The following RP1 variants were observed in gnomAD, a reference collection of about 807,000 sequenced individuals.
The protein encoded by RP1 is RP1 axonemal microtubule associated, also known as oxygen-regulated protein 1.
Under a neutral mutation model 14.8 loss-of-function variants are expected in RP1, and 16 were observed. The observed-to-expected ratio is 1.08, with a 90% CI of 0.73 to 1.65. RP1 has a LOEUF of 1.65. Among genes scored for constraint, RP1 ranks in the 40% most tolerant of loss-of-function variants. The pLI is 0.00. For synonymous variants in RP1, 876 were observed against 883.6 expected, an observed-to-expected ratio of 0.99 and a Z score of 0.15; for missense variants, 2,631 against 2,535.0, an observed-to-expected ratio of 1.04 and a Z score of -0.81.
rs16920756 is a variant in RP1, at chr8:54,783,704, A to T, written c.3609A>T (p.Ile1203=). 6,727 of 1,230,496 alleles carry T rather than the reference A, an allele frequency of 5.5e-3. 284 individuals carry two copies. In the African/African-American group the frequency reaches 0.094, roughly 17 times the overall value. The allele number at this position is 1,230,496 out of a possible 1,614,324, so 76.2% of individuals were successfully genotyped here. A position where few individuals can be genotyped will look rare whatever the true frequency, so the allele number is the denominator to read the frequency against. The change falls in exon 24 of 29, where the codon ATA becomes ATT. Residue 1203 remains isoleucine, a synonymous_variant. Coordinates refer to the RP1 transcript ENST00000637698. ...TGTTTAACCCTAACACTGCAGATAT[A>T]TTCAAGGTAAAAATGATACAGCTAT...
At position 54,752,433 on chromosome 8, in the gene RP1, C is replaced by T. The variant is rs141133601; in HGVS notation, c.2809-2370C>T. Reference sequence around the variant, plus strand: ...TCCTTCCACCATGCAGTTCGAAAACCGTCACAAACATAGCAACTCGGTGAG... The same window carrying T: ...TCCTTCCACCATGCAGTTCGAAAACTGTCACAAACATAGCAACTCGGTGAG... On this transcript the variant is annotated intron_variant, in intron 19 of 22. Coordinates refer to the RP1 transcript ENST00000636932. Among the ~76,000 whole-genome samples, 5 of 152,288 alleles carry T rather than the reference C, an allele frequency of 3.3e-5. No homozygotes were observed. In the East Asian group the frequency reaches 7.7e-4, roughly 23 times the overall value.
chr8:54,725,687 C>T (rs1808637484), intron 16 of RP1, among the ~76,000 whole-genome samples: 1 of 152,150 alleles, frequency 6.6e-6, no homozygotes, highest in East Asian at 1.9e-4. Context: ...ACTCTAAAGC[C>T]ATTCATAGTG....
At chr8:54,728,604 T>C (rs1808716443) in intron 17 of RP1, among the ~76,000 whole-genome samples, 1 of 152,136 alleles carries the variant, frequency 6.6e-6, no homozygotes, top group Non-Finnish European at 1.5e-5. Context: ...AGATGGAACT[T>C]TTCTCATCTA....
At chr8:54,856,946 A>G (rs1585751933) in intron 26 of RP1, 5 of 382,390 alleles carry the variant, frequency 1.3e-5, no homozygotes, top group Non-Finnish European at 2.2e-5. Context: ...TAGTAACAAT[A>G]TAGTATCAAT....
chr8:54,687,500 C>T (rs1056372842), intron 12 of RP1, among the ~76,000 whole-genome samples: 6 of 152,012 alleles, frequency 3.9e-5, no homozygotes, highest in Admixed American at 3.3e-4. Context: ...GTGATGTTCC[C>T]CTCCCTATGT....
chr8:54,773,172 G>C (rs774217718), downstream of RP1, among the ~76,000 whole-genome samples: 1 of 151,864 alleles, frequency 6.6e-6, no homozygotes, highest in Admixed American at 6.6e-5. Flanking sequence ...TCACCTTCTC[G>C]TTTGCTGAGT....
At position 54,728,331 on chromosome 8, in the gene RP1, C is replaced by T. The variant is rs184887616; in HGVS notation, c.2521+1855C>T. ...TGCTTCTTGCAAGAAATACCTTCCT[C>T]TTGGTTTTGCACCTTAGCTGTCAAG... On this transcript the variant is annotated intron_variant, in intron 17 of 22. Transcript: ENST00000636932. 1.3e-4 allele frequency among the ~76,000 whole-genome samples: 20 copies of T among 152,248 alleles called. No individual in the cohort carries two copies. In the East Asian group the frequency reaches 3.5e-3, roughly 26 times the overall value.
At chr8:54,622,058 A>C (rs1585558927) in intron 2 of RP1, 59 bp from the exon 3 acceptor site, 2 of 1,565,624 alleles carry the variant, frequency 1.3e-6, no homozygotes, top group South Asian at 1.1e-5. Flanking sequence ...CAAAGTTATA[A>C]AATTACCACT....
intron 21 of RP1, chr8:54,758,910 C>T: frequency 1.3e-6 from 2 of 1,534,118 alleles, no homozygotes; most frequent in East Asian, 2.4e-5. Flanking sequence ...TTTTCTCTGT[C>T]TCCTGCACCA....
At chr8:54,652,943 T>C in intron 5 of RP1, 3 of 965,164 alleles carry the variant, frequency 3.1e-6, no homozygotes, top group East Asian at 2.6e-5. Context: ...TCATCATGCC[T>C]ATAATGAGTT....
chr8:54,628,366 A>G lies in RP1; in HGVS notation c.4484A>G (p.Gln1495Arg), dbSNP rs746050017. The change falls in exon 4 of 4, where the codon CAA becomes CGA. Residue 1495 changes from glutamine (Q) to arginine (R), a missense_variant. Coordinates refer to ENST00000220676, the MANE Select transcript of RP1 (RefSeq NM_006269.2). ...GAGCAAGCCACTGAAGAATTAATCC[A>G]AGAAGAGGTAGAGGCTAGTAAAACT... ...GGEQATEELI[Q>R]EEVEASKTLE... is the part of the protein sequence containing the mutation. 6.2e-7 allele frequency: 1 copy of G among 1,613,802 alleles called. No homozygotes were observed. The highest frequency in any genetic ancestry group is 8.5e-7 in the Non-Finnish European group (1 of 1,179,860).
chr8:54,570,692 C>G (rs1311790229), intron 1 of RP1, among the ~76,000 whole-genome samples: 2 of 151,264 alleles, frequency 1.3e-5, no homozygotes, highest in Non-Finnish European at 2.9e-5. Flanking sequence ...ACACGGAACA[C>G]ATTCTCACAG....
rs552085685 is a variant in RP1, at chr8:54,676,131, C to A, written c.1402+2203C>A. 3.3e-5 allele frequency among the ~76,000 whole-genome samples: 5 copies of A among 152,148 alleles called. No individual in the cohort carries two copies. In the South Asian group the frequency reaches 1.0e-3, roughly 32 times the overall value. ...TGTTATCACATTGGGTCTTAGGTTC[C>A]AATAGATGAATTTTAGGGGGACAAG... On this transcript the variant is annotated intron_variant, in intron 8 of 22. Coordinates refer to the RP1 transcript ENST00000636932.
chr8:54,744,800 C>A (rs148460529), intron 19 of RP1, among the ~76,000 whole-genome samples: 231 of 152,262 alleles, frequency 1.5e-3, no homozygotes, highest in African/African-American at 5.2e-3. Flanking sequence ...ATCTTTATGT[C>A]TTTTATATAG....
chr8:54,779,315 G>C (rs1810123961), intron 23 of RP1, among the ~76,000 whole-genome samples: 1 of 152,160 alleles, frequency 6.6e-6, no homozygotes, highest in South Asian at 2.1e-4. Flanking sequence ...AAAGCAGACT[G>C]TCCCATCATT....
intron 16 of RP1, among the ~76,000 whole-genome samples, chr8:54,722,275 TG>T (rs201383663): frequency 1.6e-3 from 169 of 104,142 alleles, no homozygotes; most frequent in African/African-American, 6.4e-3. Flanking sequence ...TTTTTTTTTT[TG>T]TGTGTGTGTG....
upstream of RP1, among the ~76,000 whole-genome samples, chr8:54,612,098 G>A (rs1805612166): frequency 2.0e-5 from 3 of 152,180 alleles, no homozygotes; most frequent in South Asian, 6.2e-4. Context: ...TCATCTTTAA[G>A]TGCCTAGTTC....
chr8:54,663,891 G>C (rs1432219083), intron 7 of RP1: 4 of 1,461,058 alleles, frequency 2.7e-6, no homozygotes, highest in Middle Eastern at 1.8e-4. Context: ...ATTAATCATG[G>C]TAAAAACACA....
intron 19 of RP1, among the ~76,000 whole-genome samples, chr8:54,742,853 G>T (rs1371423077): frequency 2.6e-5 from 4 of 152,224 alleles, no homozygotes; most frequent in African/African-American, 9.6e-5. Flanking sequence ...AGTGGTTGAG[G>T]GGTATAGCAA....
Sources: gnomAD v4.1 joint callset for allele counts (sites outside exome capture counted in the v4.1 genomes callset) on GRCh38, gnomAD v4.1.1 for gene constraint, MANE v1.5 for transcripts, NCBI Gene and HGNC (gene_info 2026-07-23, HGNC 2026-07-21) for gene names.